SLC35E3: variants seen among roughly 807,000 people sequenced by gnomAD.
SLC35E3 encodes solute carrier family 35 member E3, also known as bladder cancer-overexpressed gene 1 protein.
SLC35E3 carries 28 observed loss-of-function variants against 30.8 expected under a neutral mutation model. That is an observed-to-expected ratio of 0.91 (90% CI 0.67 to 1.25). The LOEUF (loss-of-function observed/expected upper bound fraction) is 1.25. SLC35E3 is among the 50% of genes most tolerant of loss of function. The pLI is 0.00. For synonymous variants in SLC35E3, 146 were observed against 149.2 expected, an observed-to-expected ratio of 0.98 and a Z score of 0.16; for missense variants, 365 against 375.4, an observed-to-expected ratio of 0.97 and a Z score of 0.23.
chr12:68,761,359 G>T (rs1277695194), intron 4 of SLC35E3, among the ~76,000 whole-genome samples: 1 of 152,114 alleles, frequency 6.6e-6, no homozygotes, highest in Non-Finnish European at 1.5e-5. Context: ...ACCAGTCTGG[G>T]CAACATAGTA....
At chr12:68,763,951 C>T (rs574062119) in intron 4 of SLC35E3, among the ~76,000 whole-genome samples, 26 of 152,240 alleles carry the variant, frequency 1.7e-4, no homozygotes, top group Non-Finnish European at 2.5e-4. Context: ...TGAAGGTAAA[C>T]GTGATGCCTA....
rs1162556067 is a variant in SLC35E3 at position 68,775,505 on chromosome 12, C to G, written c.*10615C>G. ...GAGCATGGTAGCTCAGGTCTCTCTTCCTCTTCTTATAAAGGCACCAGTCTC... is the reference window on the plus strand; with the variant it reads ...GAGCATGGTAGCTCAGGTCTCTCTTGCTCTTCTTATAAAGGCACCAGTCTC... On this transcript the variant is annotated 3_prime_UTR_variant, in exon 5 of 5. Transcript: ENST00000398004. 1.3e-5 allele frequency: 2 copies of G among 152,252 alleles called. No individual in the cohort carries two copies. The highest frequency in any genetic ancestry group is 3.9e-4 in the East Asian group (2 of 5,174). The allele number at this position is 152,252 out of a possible 1,614,324, so 9.4% of individuals were successfully genotyped here.
Position 68,767,575 on chromosome 12 carries a change from A to C in SLC35E3, c.*2685A>C, listed in dbSNP as rs1449254369. 1 of 151,556 alleles carries C rather than the reference A, an allele frequency of 6.6e-6. No individual in the cohort carries two copies. The highest frequency in any genetic ancestry group is 1.5e-5 in the Non-Finnish European group (1 of 67,910). 9.4% of individuals were successfully genotyped at this position (151,556 alleles called of 1,614,324 possible). ...AAAATATACCTTTTGATAAGACAGT[A>C]AATTTTATGTTTTGTGTTTTTTAAC... On this transcript the variant is annotated 3_prime_UTR_variant, in exon 5 of 5. Transcript: ENST00000398004.
At chr12:68,753,781 A>G (rs1347233286) in intron 3 of SLC35E3, among the ~76,000 whole-genome samples, 1 of 148,708 alleles carries the variant, frequency 6.7e-6, no homozygotes, top group Non-Finnish European at 1.5e-5. Context: ...TTGTTCTTCC[A>G]TATTTTTCTC....
Position 68,775,972 on chromosome 12 carries a change from A to T in SLC35E3, c.*11082A>T, listed in dbSNP as rs1879731337. On this transcript the variant is annotated 3_prime_UTR_variant, in exon 5 of 5. Transcript: ENST00000398004. ...TCAAAAAAAAAAAAAAAAAAAAAAA[A>T]AAAAAAAGGCCAGACTTGGTAGCTA... 6.9e-6 allele frequency: 1 copy of T among 145,136 alleles called. No individual in the cohort carries two copies. The highest frequency in any genetic ancestry group is 2.6e-5 in the African/African-American group (1 of 38,930). The allele number at this position is 145,136 out of a possible 1,614,324, so 9.0% of individuals were successfully genotyped here.
chr12:68,766,745 T>TG lies in SLC35E3; in HGVS notation c.*1857dup, dbSNP rs1261154070. On this transcript the variant is annotated 3_prime_UTR_variant, in exon 5 of 5. Coordinates refer to ENST00000398004, the MANE Select transcript of SLC35E3 (RefSeq NM_018656.5). ...GACTACAGGTGCACACCAACATACCTGGCTGATTTTTATATTTTTTGTAGA... is the reference window on the plus strand; with the variant it reads ...GACTACAGGTGCACACCAACATACCTGGGCTGATTTTTATATTTTTTGTAGA... The TG allele has an allele frequency of 2.2e-6, 1 of 449,900 alleles. No individual in the cohort carries two copies. The highest frequency in any genetic ancestry group is 2.4e-5 in the Admixed American group (1 of 41,646). The allele number at this position is 449,900 out of a possible 1,614,324, so 27.9% of individuals were successfully genotyped here.
At position 68,770,478 on chromosome 12, in the gene SLC35E3, G is replaced by C. The variant is rs777177111; in HGVS notation, c.*5588G>C. 6.6e-6 allele frequency: 1 copy of C among 152,484 alleles called. No homozygotes were observed. Among genetic ancestry groups the C allele is most frequent in the Non-Finnish European group, 1.5e-5 (1 of 68,142 alleles). The allele number at this position is 152,484 out of a possible 1,614,324, so 9.4% of individuals were successfully genotyped here. On this transcript the variant is annotated 3_prime_UTR_variant, in exon 5 of 5. Coordinates refer to ENST00000398004, the MANE Select transcript of SLC35E3 (RefSeq NM_018656.5). ...TGAGATAAGTGGAAATAATTGAGTA[G>C]CTGGAGTCAACTGGACTGGAGATGG...
intron 3 of SLC35E3, among the ~76,000 whole-genome samples, chr12:68,755,911 A>C (rs566582358): frequency 4.6e-4 from 70 of 152,254 alleles, no homozygotes; most frequent in Admixed American, 9.2e-4. Context: ...TCCAAACTAT[A>C]TTACCATTGT....
intron 2 of SLC35E3, among the ~76,000 whole-genome samples, chr12:68,748,556 G>T (rs887290012): frequency 6.6e-6 from 1 of 151,926 alleles, no homozygotes; most frequent in Non-Finnish European, 1.5e-5. Flanking sequence ...TAAATATAGA[G>T]TAATTTATAT....
In SLC35E3 at chr12:68,769,354, G is replaced by A. The variant is rs1879542494; in HGVS notation, c.*4464G>A. The A allele has an allele frequency of 2.6e-5, 4 of 151,308 alleles. No individual in the cohort carries two copies. The highest frequency in any genetic ancestry group is 2.6e-4 in the Admixed American group (4 of 15,156). 9.4% of individuals were successfully genotyped at this position (151,308 alleles called of 1,614,324 possible). ...GCAGAATGGCCAAAGGTGAGAGTTT[G>A]ATTAAAAGAAAGGAGACCTTGGCCG... On this transcript the variant is annotated 3_prime_UTR_variant, in exon 5 of 5. Transcript: ENST00000398004.
chr12:68,759,079 T>G (rs1456471249), intron 3 of SLC35E3, 78 bp from the exon 4 acceptor site: 2 of 1,079,470 alleles, frequency 1.9e-6, no homozygotes, highest in East Asian at 4.8e-5. Context: ...TTTTTTAAAA[T>G]GCCGAATGAA....
intron 3 of SLC35E3, among the ~76,000 whole-genome samples, chr12:68,758,059 TCTAGA>T (rs1359144805): frequency 2.0e-5 from 3 of 150,124 alleles, no homozygotes; most frequent in East Asian, 2.0e-4. Context: ...ACCACTGCAC[TCTAGA>T]CTAGGCGACA....
At chr12:68,762,754 CATT>C (rs1470328622) in intron 4 of SLC35E3, among the ~76,000 whole-genome samples, 2 of 152,152 alleles carry the variant, frequency 1.3e-5, no homozygotes, top group Non-Finnish European at 2.9e-5. Flanking sequence ...GAAAATAAAA[CATT>C]ATGACTATTG....
At position 68,766,701 on chromosome 12, in the gene SLC35E3, C is replaced by T; in HGVS notation, c.*1811C>T. On this transcript the variant is annotated 3_prime_UTR_variant, in exon 5 of 5. Coordinates refer to ENST00000398004, the MANE Select transcript of SLC35E3 (RefSeq NM_018656.5). ...CTGGGCTCAAGCAATCCTCCTGCCT[C>T]AACCTCCCCAGTAGCTGGGACTACA... 1 of 435,900 alleles carries T rather than the reference C, an allele frequency of 2.3e-6. No homozygotes were observed. The highest frequency in any genetic ancestry group is 4.6e-6 in the Non-Finnish European group (1 of 218,376). The allele number at this position is 435,900 out of a possible 1,614,324, so 27.0% of individuals were successfully genotyped here.
chr12:68,753,837 C>CG (rs1878902844), intron 3 of SLC35E3, among the ~76,000 whole-genome samples: 2 of 151,882 alleles, frequency 1.3e-5, no homozygotes, highest in African/African-American at 4.8e-5. Flanking sequence ...CACACACACC[C>CG]CAATTAAACA....
At chr12:68,764,022 A>C (rs953834088) in intron 4 of SLC35E3, among the ~76,000 whole-genome samples, 1 of 152,118 alleles carries the variant, frequency 6.6e-6, no homozygotes, top group African/African-American at 2.4e-5. Flanking sequence ...GGTGCTCAGT[A>C]TTACTCCCTC....
At chr12:68,748,485 G>A (rs528356670) in intron 2 of SLC35E3, among the ~76,000 whole-genome samples, 11 of 151,992 alleles carry the variant, frequency 7.2e-5, no homozygotes, top group Non-Finnish European at 1.2e-4. Flanking sequence ...GTTACAACTT[G>A]TTTATTGGCT....
intron 4 of SLC35E3, among the ~76,000 whole-genome samples, chr12:68,764,476 A>G (rs992432955): frequency 5.9e-5 from 9 of 152,062 alleles, no homozygotes; most frequent in South Asian, 2.1e-4. Flanking sequence ...TTTTGTAGAG[A>G]CAAGGTTTCA....
intron 3 of SLC35E3, among the ~76,000 whole-genome samples, chr12:68,752,776 C>T (rs1237181867): frequency 1.3e-5 from 2 of 151,950 alleles, no homozygotes; most frequent in East Asian, 1.9e-4. Flanking sequence ...GAGGCTGAGG[C>T]GGGTGGATCA....
Sources: gnomAD v4.1 joint callset for allele counts (sites outside exome capture counted in the v4.1 genomes callset) on GRCh38, gnomAD v4.1.1 for gene constraint, MANE v1.5 for transcripts, NCBI Gene and HGNC (gene_info 2026-07-23, HGNC 2026-07-21) for gene names.